Variants in LRRC3C observed in about 807,000 individuals in gnomAD.
The protein encoded by LRRC3C is leucine rich repeat containing 3C, also known as leucine-rich repeat-containing protein 3C.
A neutral mutation model predicts 14.8 loss-of-function variants in LRRC3C; 11 were observed. The observed-to-expected ratio is 0.74, with a 90% CI of 0.47 to 1.23. The LOEUF (loss-of-function observed/expected upper bound fraction) is 1.23. Among genes scored for constraint, LRRC3C ranks in the 50% most tolerant of loss-of-function variants. The pLI is 0.00. For synonymous variants in LRRC3C, 149 were observed against 161.5 expected (o/e 0.92, Z 0.59); for missense variants, 354 against 361.8 (o/e 0.98, Z 0.18).
intron 1 of LRRC3C, among the ~76,000 whole-genome samples, chr17:39,934,149 G>T (rs1978734126): frequency 6.6e-6 from 1 of 152,202 alleles, no homozygotes; most frequent in African/African-American, 2.4e-5. Context: ...GGCTGAACTG[G>T]TCAGGGCCAC....
At position 39,944,864 on chromosome 17, in the gene LRRC3C, T is replaced by G; in HGVS notation, c.*130T>G. Reference sequence around the variant, plus strand: ...GCCCATCCCACCCCTCCCTCCTTTATTCCCCCTAAATACCTGTGCTGGTTC... The same window carrying G: ...GCCCATCCCACCCCTCCCTCCTTTAGTCCCCCTAAATACCTGTGCTGGTTC... On this transcript the variant is annotated 3_prime_UTR_variant, in exon 4 of 4. Coordinates refer to ENST00000377924, the MANE Select transcript of LRRC3C (RefSeq NM_001195545.2). 2 of 737,738 alleles carry G rather than the reference T, an allele frequency of 2.7e-6. No homozygotes were observed. The highest frequency in any genetic ancestry group is 2.2e-6 in the Non-Finnish European group (1 of 455,564). 45.7% of individuals were successfully genotyped at this position (737,738 alleles called of 1,614,324 possible).
chr17:39,944,088 G>T lies in LRRC3C; in HGVS notation c.182G>T (p.Arg61Leu), dbSNP rs757518763. Reference protein sequence around the residue: ...GCYVAKEAGERTFRCSQAGLS... With the variant: ...GCYVAKEAGELTFRCSQAGLS... ...TATGTGGCAAAGGAAGCAGGTGAAC[G>T]GACGTTCCGCTGCAGCCAGGCAGGC... The change falls in exon 4 of 4, where the codon CGG becomes CTG. Residue 61 changes from arginine to leucine, a missense_variant. By Grantham distance (102) the Arg-to-Leu change is moderately radical. Transcript: ENST00000377924. The T allele has an allele frequency of 1.6e-5, 24 of 1,536,008 alleles. No individual in the cohort carries two copies. Among genetic ancestry groups the T allele is most frequent in the Non-Finnish European group, 2.0e-5 (23 of 1,146,916 alleles).
At chr17:39,940,144 C>T (rs965285048) in intron 2 of LRRC3C, among the ~76,000 whole-genome samples, 14 of 152,322 alleles carry the variant, frequency 9.2e-5, no homozygotes, top group African/African-American at 3.1e-4. Flanking sequence ...TATCTGATTC[C>T]TTAGACAAAT....
chr17:39,937,607 G>T (rs1013772560), intron 2 of LRRC3C, among the ~76,000 whole-genome samples: 1 of 152,152 alleles, frequency 6.6e-6, no homozygotes, highest in Non-Finnish European at 1.5e-5. Context: ...CAGTGATCTG[G>T]AAGCCAAGCC....
At position 39,944,776 on chromosome 17, in the gene LRRC3C, C is replaced by G. The variant is rs1289889734; in HGVS notation, c.*42C>G. ...TCCAGCCACACCCCACACTCCTGCC[C>G]CTATGCCCTCTCCTTTGCTCTGACC... On this transcript the variant is annotated 3_prime_UTR_variant, in exon 4 of 4. Transcript: ENST00000377924. The G allele has an allele frequency of 6.6e-7, 1 of 1,517,458 alleles. No individual in the cohort carries two copies. Among genetic ancestry groups the G allele is most frequent in the Non-Finnish European group, 8.8e-7 (1 of 1,132,258 alleles). The allele number at this position is 1,517,458 out of a possible 1,614,324, so 94.0% of individuals were successfully genotyped here. A position where few individuals can be genotyped will look rare whatever the true frequency, so the allele number is the denominator to read the frequency against.
intron 1 of LRRC3C, among the ~76,000 whole-genome samples, chr17:39,935,078 C>T (rs570066205): frequency 6.6e-6 from 1 of 152,260 alleles, no homozygotes; most frequent in East Asian, 1.9e-4. Flanking sequence ...TTATGCCGAC[C>T]TCCTATCTCA....
rs535604351 is a variant in LRRC3C at position 39,944,635 on chromosome 17, T to C, written c.729T>C (p.Tyr243=). Residue 243 remains tyrosine, a synonymous_variant, in exon 4 of 4, where the codon TAT becomes TAC. Coordinates refer to ENST00000377924, the MANE Select transcript of LRRC3C (RefSeq NM_001195545.2). The part of the protein sequence containing the change: ...LTLMVAYLVH[Y]VWQNRDETRR... Reference sequence around the variant, plus strand: ...TCATGGTGGCTTATCTGGTGCATTATGTGTGGCAGAACCGAGATGAGACCA... The same window carrying C: ...TCATGGTGGCTTATCTGGTGCATTACGTGTGGCAGAACCGAGATGAGACCA... The C allele has an allele frequency of 2.6e-6, 4 of 1,535,946 alleles. No homozygotes were observed. In the Admixed American group the frequency reaches 5.9e-5, roughly 23 times the overall value.
chr17:39,939,293 A>G (rs1978879782), intron 2 of LRRC3C: 1 of 936,918 alleles, frequency 1.1e-6, no homozygotes, highest in Non-Finnish European at 1.3e-6. Flanking sequence ...GGAAGGGATG[A>G]TTCTGCCATG....
At chr17:39,939,271 TG>T in intron 2 of LRRC3C, 1 of 789,580 alleles carries the variant, frequency 1.3e-6, no homozygotes, top group Non-Finnish European at 1.5e-6. Context: ...TGTGTTAATC[TG>T]GTAGTAGGAG....
chr17:39,933,520 G>T (rs1341364342), intron 1 of LRRC3C, among the ~76,000 whole-genome samples: 2 of 152,144 alleles, frequency 1.3e-5, no homozygotes, highest in South Asian at 4.1e-4. Context: ...AGATCACGAG[G>T]TCAGGAGATC....
At chr17:39,939,432 G>C in intron 2 of LRRC3C, 1 of 984,860 alleles carries the variant, frequency 1.0e-6, no homozygotes. Context: ...CTCAACTCAG[G>C]CTGCTCGTTA....
At chr17:39,931,674 G>T (rs1278076194) in intron 1 of LRRC3C, among the ~76,000 whole-genome samples, 8 of 133,124 alleles carry the variant, frequency 6.0e-5, no homozygotes, top group East Asian at 2.2e-4. Context: ...TTTTGAGACA[G>T]AGTCTCACTC....
chr17:39,937,878 TC>T lies in LRRC3C; in HGVS notation c.-82+1987del, dbSNP rs1396125836. ...CAGGCACGGTGGCTCACTCCTGTGA[TC>T]CCAGCACTTTGGGAGGCTGAGGCAA... On this transcript the variant is annotated intron_variant, in intron 2 of 3. Coordinates refer to ENST00000377924, the MANE Select transcript of LRRC3C (RefSeq NM_001195545.2). Among the ~76,000 whole-genome samples the T allele has an allele frequency of 5.9e-5, 9 of 152,242 alleles. No individual in the cohort carries two copies. The East Asian group carries it at 1.7e-3, about 29-fold the overall frequency.
intron 2 of LRRC3C, among the ~76,000 whole-genome samples, chr17:39,938,054 C>A (rs1373408201): frequency 6.6e-6 from 1 of 152,062 alleles, no homozygotes; most frequent in Non-Finnish European, 1.5e-5. Flanking sequence ...ATCTCTTGAA[C>A]CCAGGAGGCA....
At position 39,944,660 on chromosome 17, in the gene LRRC3C, A is replaced by G; in HGVS notation, c.754A>G (p.Arg252Gly). ...HYVWQNRDET[R>G]RSLKRAPVLP... ...TGTGTGGCAGAACCGAGATGAGACC[A>G]GGCGCTCCCTCAAGCGGGCCCCAGT... Residue 252 changes from arginine (R) to glycine (G), a missense_variant, in exon 4 of 4, where the codon AGG (arginine) becomes GGG (glycine). By Grantham distance (125) the Arg-to-Gly change is moderately radical. Coordinates refer to ENST00000377924, the MANE Select transcript of LRRC3C (RefSeq NM_001195545.2). The G allele has an allele frequency of 2.0e-6, 3 of 1,535,814 alleles. No homozygotes were observed.
At chr17:39,943,124 C>T (rs918470345) in intron 3 of LRRC3C, among the ~76,000 whole-genome samples, 1 of 152,196 alleles carries the variant, frequency 6.6e-6, no homozygotes, top group African/African-American at 2.4e-5. Flanking sequence ...AGGTATCCGA[C>T]ACCTGGGCCC....
chr17:39,938,779 C>T (rs974586307), intron 2 of LRRC3C, among the ~76,000 whole-genome samples: 8 of 152,064 alleles, frequency 5.3e-5, no homozygotes, highest in East Asian at 3.9e-4. Flanking sequence ...TGAGGTCAGG[C>T]GTTCAAGACC....
Position 39,944,504 on chromosome 17 carries a change from T to G in LRRC3C, c.598T>G (p.Phe200Val). The G allele has an allele frequency of 9.4e-6, 14 of 1,490,164 alleles. 1 individual carries two copies. Among genetic ancestry groups the G allele is most frequent in the Non-Finnish European group, 1.2e-5 (14 of 1,121,696 alleles). The allele number at this position is 1,490,164 out of a possible 1,614,324, so 92.3% of individuals were successfully genotyped here. ...GARPDLVGQEFLLLAGEEELC... is the reference protein window; with the variant it reads ...GARPDLVGQEVLLLAGEEELC... ...CCGACCGGACCTCGTGGGGCAGGAG[T>G]TCCTGCTGCTGGCAGGGGAGGAAGA... The change falls in exon 4 of 4, where the codon TTC becomes GTC. Residue 200 changes from phenylalanine (F) to valine (V), a missense_variant. Coordinates refer to ENST00000377924, the MANE Select transcript of LRRC3C (RefSeq NM_001195545.2).
intron 1 of LRRC3C, 126 bp downstream of exon 1, chr17:39,927,940 T>A (rs1048223109): frequency 3.3e-6 from 3 of 898,950 alleles, no homozygotes; most frequent in East Asian, 2.4e-4. Context: ...GGTCCTAGAC[T>A]GGATCGAAAC....
Sources: allele counts gnomAD v4.1 joint callset (sites outside exome capture counted in the v4.1 genomes callset), GRCh38; gene constraint gnomAD v4.1.1; transcripts MANE v1.5; gene names NCBI Gene and HGNC (gene_info 2026-07-23, HGNC 2026-07-21).